Variants in TRAF3 observed in about 807,000 individuals in gnomAD.
TRAF3 encodes the protein TNF receptor associated factor 3.
Under a neutral mutation model 62.3 loss-of-function variants are expected in TRAF3, and 13 were observed. The observed-to-expected ratio is 0.21, with a 90% confidence interval of 0.14 to 0.33. The LOEUF is 0.33. Ranked by LOEUF, TRAF3 falls within the 10% of genes least tolerant of loss-of-function variation. The pLI, the probability that TRAF3 is intolerant of heterozygous loss-of-function variation, is 1.00. For synonymous variants in TRAF3, 269 were observed against 283.4 expected, an observed-to-expected ratio of 0.95 and a Z score of 0.51; for missense variants, 440 against 741.8, an observed-to-expected ratio of 0.59 and a Z score of 4.73.
intron 5 of TRAF3, among the ~76,000 whole-genome samples, chr14:102,876,027 T>C (rs563304612): frequency 6.6e-6 from 1 of 152,356 alleles, no homozygotes; most frequent in South Asian, 2.1e-4. Flanking sequence ...ACCATGAAAT[T>C]CTACATAACT....
At chr14:102,901,337 T>C (rs1890289347) in intron 10 of TRAF3, among the ~76,000 whole-genome samples, 1 of 152,178 alleles carries the variant, frequency 6.6e-6, no homozygotes, top group Non-Finnish European at 1.5e-5. Flanking sequence ...CTGGGACTCA[T>C]GCTTCATTTC....
intron 1 of TRAF3, among the ~76,000 whole-genome samples, chr14:102,795,598 A>ATGTGTGTGTGTGTGTGTG (rs58263343): frequency 0.06 from 8,910 of 149,170 alleles, 363 homozygotes; most frequent in Admixed American, 0.11. Flanking sequence ...ATATGTATAT[A>ATGTGTGTGTGTGTGTGTG]TGTGTGTGTG....
chr14:102,834,147 C>T (rs1175725860), intron 2 of TRAF3, among the ~76,000 whole-genome samples: 3 of 152,102 alleles, frequency 2.0e-5, no homozygotes, highest in Non-Finnish European at 2.9e-5. Flanking sequence ...ATAGACAAGG[C>T]AGTCCTAAGC....
chr14:102,782,682 C>G (rs1897315828), intron 1 of TRAF3, among the ~76,000 whole-genome samples: 1 of 149,542 alleles, frequency 6.7e-6, no homozygotes. Flanking sequence ...ACGATTTGTT[C>G]CATGCTGATT....
At chr14:102,901,622 GT>G (rs1468184724) in intron 10 of TRAF3, among the ~76,000 whole-genome samples, 1 of 152,152 alleles carries the variant, frequency 6.6e-6, no homozygotes, top group Non-Finnish European at 1.5e-5. Context: ...GACAGTGTCA[GT>G]TTAAAGGGAC....
rs35895214 is a variant in TRAF3, at chr14:102,792,113, CTTTTTTTT to C, written c.-157+14458_-157+14465del. 2.6e-3 allele frequency among the ~76,000 whole-genome samples: 255 copies of C among 97,692 alleles called. 5 individuals carry two copies. The highest frequency in any genetic ancestry group is 0.01 in the African/African-American group (246 of 23,892). The allele number at this position is 97,692 out of a possible 152,430, so 64.1% of individuals were successfully genotyped here. A position where few individuals can be genotyped will look rare whatever the true frequency, so the allele number is the denominator to read the frequency against. ...ACAGGTGCGAGCCACTGTGCCTGGA[CTTTTTTTT>C]TTTTTTTTTTTTTTTTTTTATCAGA... On this transcript the variant is annotated intron_variant, in intron 1 of 11. Coordinates refer to ENST00000392745, the MANE Select transcript of TRAF3 (RefSeq NM_145725.3).
chr14:102,839,220 T>C (rs983269450), intron 2 of TRAF3, among the ~76,000 whole-genome samples: 65 of 133,864 alleles, frequency 4.9e-4, no homozygotes, highest in Admixed American at 1.3e-3. Flanking sequence ...CTTTTTTTTT[T>C]TTTTTTTTTT....
rs199868254 is a variant in TRAF3 at position 102,905,562 on chromosome 14, A to G, written c.1485A>G (p.Thr495=). The G allele has an allele frequency of 6.7e-5, 108 of 1,614,040 alleles. No individual in the cohort carries two copies. In the East Asian group the frequency reaches 2.3e-3, roughly 35 times the overall value. The change falls in exon 12 of 12, where the codon ACA becomes ACG. Residue 495 remains threonine, a synonymous_variant. Coordinates refer to ENST00000392745, the MANE Select transcript of TRAF3 (RefSeq NM_145725.3). ...LLPWPFKQKV[T]LMLMDQGSSR... is the part of the protein sequence containing the mutation. Reference sequence around the variant, plus strand: ...CTTGGCCGTTTAAGCAGAAAGTGACACTCATGCTGATGGATCAGGGGTCCT... The same window carrying G: ...CTTGGCCGTTTAAGCAGAAAGTGACGCTCATGCTGATGGATCAGGGGTCCT...
intron 1 of TRAF3, among the ~76,000 whole-genome samples, chr14:102,790,889 C>T (rs1897751588): frequency 6.6e-6 from 1 of 151,970 alleles, no homozygotes; most frequent in Non-Finnish European, 1.5e-5. Flanking sequence ...TGAATATCAC[C>T]TTTTTCATTT....
intron 9 of TRAF3, among the ~76,000 whole-genome samples, chr14:102,893,785 C>G (rs1889855758): frequency 6.6e-6 from 1 of 152,184 alleles, no homozygotes; most frequent in Non-Finnish European, 1.5e-5. Flanking sequence ...CGGACTCTGT[C>G]CATCAGAGCA....
intron 1 of TRAF3, among the ~76,000 whole-genome samples, chr14:102,798,737 A>G (rs1898232263): frequency 6.6e-6 from 1 of 152,186 alleles, no homozygotes; most frequent in Non-Finnish European, 1.5e-5. Flanking sequence ...GGCCTCCCAA[A>G]TGGCCGGGAT....
In TRAF3 at chr14:102,787,464, G is replaced by A. The variant is rs1249319741; in HGVS notation, c.-157+9789G>A. ...GGCTGAGGTGGGCGAATCACTTGAG[G>A]TCAGGAGTTCGAGACCAGCCTGGCC... On this transcript the variant is annotated intron_variant, in intron 1 of 11. Transcript: ENST00000392745. Among the ~76,000 whole-genome samples the A allele has an allele frequency of 5.3e-5, 8 of 151,244 alleles. No individual in the cohort carries two copies. In the East Asian group the frequency reaches 1.6e-3, roughly 29 times the overall value.
intron 6 of TRAF3, among the ~76,000 whole-genome samples, chr14:102,885,178 G>A (rs1470172670): frequency 1.3e-5 from 2 of 152,164 alleles, no homozygotes; most frequent in Non-Finnish European, 2.9e-5. Context: ...TGGGGGAGAG[G>A]AGCAACCACG....
intron 1 of TRAF3, among the ~76,000 whole-genome samples, chr14:102,819,153 C>A (rs1020808073): frequency 1.3e-5 from 2 of 152,130 alleles, no homozygotes; most frequent in African/African-American, 2.4e-5. Context: ...CCCCAAGACC[C>A]CCTCCCCTGC....
intron 8 of TRAF3, among the ~76,000 whole-genome samples, chr14:102,889,979 C>T (rs1376467884): frequency 1.3e-5 from 2 of 152,196 alleles, no homozygotes; most frequent in African/African-American, 2.4e-5. Context: ...TGAATATAAG[C>T]GAATATCAAA....
intron 1 of TRAF3, among the ~76,000 whole-genome samples, chr14:102,791,847 C>G (rs1167707917): frequency 1.3e-5 from 2 of 151,184 alleles, no homozygotes; most frequent in Non-Finnish European, 2.9e-5. Flanking sequence ...GGGTCTTGCT[C>G]TGTCACCCAT....
chr14:102,900,828 A>T (rs1177099728), intron 10 of TRAF3, among the ~76,000 whole-genome samples: 1 of 152,138 alleles, frequency 6.6e-6, no homozygotes, highest in Non-Finnish European at 1.5e-5. Flanking sequence ...TCTGATTTGG[A>T]TTGTTGATGT....
At chr14:102,901,307 C>A (rs1342363518) in intron 10 of TRAF3, among the ~76,000 whole-genome samples, 1 of 152,188 alleles carries the variant, frequency 6.6e-6, no homozygotes, top group Non-Finnish European at 1.5e-5. Context: ...TGAGGCGCAG[C>A]TTGTCTTGGG....
chr14:102,878,351 AGTGT>A (rs1157922041), intron 6 of TRAF3, among the ~76,000 whole-genome samples: 1 of 102,134 alleles, frequency 9.8e-6, no homozygotes, highest in East Asian at 2.9e-4. Flanking sequence ...AATGTGGGTG[AGTGT>A]GTGGGGGTAA....
Sources: gnomAD v4.1 joint callset for allele counts (sites outside exome capture counted in the v4.1 genomes callset) on GRCh38, gnomAD v4.1.1 for gene constraint, MANE v1.5 for transcripts, NCBI Gene and HGNC (gene_info 2026-07-23, HGNC 2026-07-21) for gene names.